SMC5: variants seen among roughly 807,000 people sequenced by gnomAD.
SMC5 encodes structural maintenance of chromosomes 5.
Under a neutral mutation model 148.3 loss-of-function variants are expected in SMC5, and 88 were observed. The ratio of observed to expected loss-of-function variants is 0.59; its 90% CI spans 0.50 to 0.71. The LOEUF (loss-of-function observed/expected upper bound fraction) is 0.71, where lower values mean the gene tolerates loss of function less well. Among genes scored for constraint, SMC5 ranks in the 30% least tolerant of loss-of-function variants. SMC5 has a pLI of 0.00. For synonymous variants in SMC5, 421 were observed against 432.8 expected, an observed-to-expected ratio of 0.97 and a Z score of 0.34; for missense variants, 1,142 against 1,298.9, an observed-to-expected ratio of 0.88 and a Z score of 1.86.
At chr9:70,278,321 A>G (rs2034651497) in intron 4 of SMC5, among the ~76,000 whole-genome samples, 170 bp from the exon 5 acceptor site, 1 of 152,124 alleles carries the variant, frequency 6.6e-6, no homozygotes, top group Admixed American at 6.6e-5. Flanking sequence ...GTAACAGTTT[A>G]TATCCTAAGT....
intron 8 of SMC5, among the ~76,000 whole-genome samples, chr9:70,288,330 T>C (rs1380125711): frequency 6.6e-6 from 1 of 152,156 alleles, no homozygotes; most frequent in Admixed American, 6.5e-5. Flanking sequence ...TGGATCAGTT[T>C]CAATCATTTA....
chr9:70,266,858 G>A (rs1347916746), intron 2 of SMC5, among the ~76,000 whole-genome samples: 2 of 152,136 alleles, frequency 1.3e-5, no homozygotes, highest in African/African-American at 4.8e-5. Flanking sequence ...CTAATGAGCA[G>A]ATGTCATTCC....
At chr9:70,346,473 G>A (rs2118830592) in intron 18 of SMC5, 132 bp from the exon 19 acceptor site, 1 of 884,770 alleles carries the variant, frequency 1.1e-6, no homozygotes, top group East Asian at 2.4e-5. Flanking sequence ...ATAGTACTGT[G>A]GTGAAATTCA....
intron 17 of SMC5, among the ~76,000 whole-genome samples, chr9:70,338,198 G>A (rs985799556): frequency 6.6e-6 from 1 of 151,856 alleles, no homozygotes. Context: ...TATTTGTAGG[G>A]ATAGTTCTCA....
chr9:70,319,449 G>T (rs1318916112), intron 15 of SMC5, among the ~76,000 whole-genome samples: 1 of 152,060 alleles, frequency 6.6e-6, no homozygotes, highest in Non-Finnish European at 1.5e-5. Flanking sequence ...GATTTCTTTA[G>T]TTGAAGTCAG....
chr9:70,318,648 G>A lies in SMC5; in HGVS notation c.1941G>A (p.Val647=), dbSNP rs1014233591. The A allele has an allele frequency of 6.2e-7, 1 of 1,611,250 alleles. No homozygotes were observed. Among genetic ancestry groups the A allele is most frequent in the African/African-American group, 1.3e-5 (1 of 74,830 alleles). ...TAGCGCAGTTTCTCACTGTCACTGT[G>A]GACCTAGAGCAGAGAAGACACTTAG... The part of the protein sequence containing the change: ...LKVAQFLTVT[V]DLEQRRHLEE... Residue 647 remains valine (V), a synonymous_variant, in exon 14 of 25, where the codon GTG becomes GTA. Coordinates refer to ENST00000361138, the MANE Select transcript of SMC5 (RefSeq NM_015110.4).
intron 8 of SMC5, among the ~76,000 whole-genome samples, chr9:70,289,385 G>A (rs1345614406): frequency 6.6e-6 from 1 of 151,942 alleles, no homozygotes; most frequent in African/African-American, 2.4e-5. Context: ...ATGAGTATAG[G>A]TTTGTCTATT....
intron 17 of SMC5, 40 bp downstream of exon 17, chr9:70,324,183 C>T (rs2036019149): frequency 4.5e-6 from 7 of 1,563,282 alleles, no homozygotes; most frequent in Non-Finnish European, 5.2e-6. Context: ...GAGGTTCTAA[C>T]CTCAGACTGG....
At chr9:70,291,072 ATGT>A (rs1307300479) in intron 8 of SMC5, among the ~76,000 whole-genome samples, 1 of 152,008 alleles carries the variant, frequency 6.6e-6, no homozygotes, top group Non-Finnish European at 1.5e-5. Context: ...CCAGGGCTTG[ATGT>A]TGTTGCTGTT....
At chr9:70,327,326 G>A (rs551797830) in intron 17 of SMC5, among the ~76,000 whole-genome samples, 22 of 152,236 alleles carry the variant, frequency 1.4e-4, no homozygotes, top group East Asian at 3.9e-4. Flanking sequence ...TCGTATACCC[G>A]CCATACATGA....
chr9:70,266,236 T>G (rs1197637622), intron 2 of SMC5, among the ~76,000 whole-genome samples: 3 of 152,138 alleles, frequency 2.0e-5, no homozygotes. Flanking sequence ...CTTAAGATTA[T>G]AAATTATTTA....
chr9:70,291,866 A>G (rs1391398309), intron 8 of SMC5, among the ~76,000 whole-genome samples: 2 of 151,832 alleles, frequency 1.3e-5, no homozygotes, highest in Non-Finnish European at 2.9e-5. Flanking sequence ...TTGCCATTAT[A>G]AAAGAGCTCC....
chr9:70,264,575 C>A, intron 2 of SMC5, 130 bp downstream of exon 2: 1 of 819,072 alleles, frequency 1.2e-6, no homozygotes, highest in Non-Finnish European at 1.8e-6. Context: ...ATAAATTTGG[C>A]AGGTAGAGAA....
chr9:70,259,375 C>G, intron 1 of SMC5, 112 bp downstream of exon 1: 3 of 1,171,060 alleles, frequency 2.6e-6, no homozygotes, highest in Non-Finnish European at 3.5e-6. Flanking sequence ...GCTTGTGGGT[C>G]TGGCCTTGAA....
At chr9:70,331,762 G>A (rs1208580664) in intron 17 of SMC5, among the ~76,000 whole-genome samples, 1 of 152,122 alleles carries the variant, frequency 6.6e-6, no homozygotes, top group East Asian at 1.9e-4. Context: ...CATTCTTCGC[G>A]ATGATGAAGT....
intron 17 of SMC5, among the ~76,000 whole-genome samples, chr9:70,327,789 C>T (rs1032777243): frequency 6.6e-6 from 1 of 152,110 alleles, no homozygotes; most frequent in Non-Finnish European, 1.5e-5. Context: ...GACACACCAC[C>T]ACTGTGGAAT....
In SMC5 at chr9:70,320,778, A is replaced by G. The variant is rs529964230; in HGVS notation, c.2150+1815A>G. On this transcript the variant is annotated intron_variant, in intron 15 of 24. Transcript: ENST00000361138. ...ATATATACTTAAGATTTTGAGGTTT[A>G]ATAAAATTTATGAATTTTACTGCTT... Among the ~76,000 whole-genome samples the G allele has an allele frequency of 4.6e-5, 7 of 152,294 alleles. No homozygotes were observed. In the South Asian group the frequency reaches 1.2e-3, roughly 27 times the overall value.
chr9:70,323,709 C>A (rs553913763), intron 16 of SMC5, 103 bp downstream of exon 16: 4 of 1,288,140 alleles, frequency 3.1e-6, no homozygotes, highest in Non-Finnish European at 3.2e-6. Context: ...AGGTTTTTGA[C>A]ATTTTAGTTA....
intron 2 of SMC5, among the ~76,000 whole-genome samples, chr9:70,265,052 C>T (rs1399388889): frequency 3.9e-5 from 6 of 152,054 alleles, no homozygotes; most frequent in African/African-American, 7.2e-5. Context: ...GGTACACCTG[C>T]GTAGGGCACT....
Sources: gnomAD v4.1 joint callset for allele counts (sites outside exome capture counted in the v4.1 genomes callset) on GRCh38, gnomAD v4.1.1 for gene constraint, MANE v1.5 for transcripts, NCBI Gene and HGNC (gene_info 2026-07-23, HGNC 2026-07-21) for gene names.